DNAH14: variants seen among roughly 807,000 people sequenced by gnomAD.
DNAH14 encodes dynein axonemal heavy chain 14.
Under a neutral mutation model 520.9 loss-of-function variants are expected in DNAH14, and 478 were observed. That is an observed-to-expected ratio of 0.92 (90% CI 0.85 to 0.99). The LOEUF (loss-of-function observed/expected upper bound fraction) is 0.99. Among genes scored for constraint, DNAH14 ranks in the 50% least tolerant of loss-of-function variants. The pLI, the probability that DNAH14 is intolerant of heterozygous loss-of-function variation, is 0.00. For missense variants in DNAH14, 4,831 were observed against 5,234.5 expected (o/e 0.92, Z 2.38); for synonymous variants, 1,581 against 1,757.2 (o/e 0.90, Z 2.51).
At chr1:224,998,527 G>A (rs1454812138) in intron 8 of DNAH14, among the ~76,000 whole-genome samples, 1 of 151,914 alleles carries the variant, frequency 6.6e-6, no homozygotes. Context: ...GACCCATTTT[G>A]CAGTGTTTTG....
intron 77 of DNAH14, 36 bp from the exon 78 acceptor site, chr1:225,374,652 A>G (rs964400876): frequency 2.0e-5 from 29 of 1,485,728 alleles, no homozygotes; most frequent in Non-Finnish European, 2.4e-5. Context: ...CTGGAAACAC[A>G]TACTGAAATA....
intron 36 of DNAH14, among the ~76,000 whole-genome samples, chr1:225,172,607 TAA>T (rs1255719475): frequency 6.6e-6 from 1 of 152,088 alleles, no homozygotes; most frequent in Non-Finnish European, 1.5e-5. Flanking sequence ...CTCAATGAAA[TAA>T]AAGAGGATAC....
intron 37 of DNAH14, among the ~76,000 whole-genome samples, chr1:225,189,929 T>G (rs2085208356): frequency 6.6e-6 from 1 of 151,952 alleles, no homozygotes; most frequent in African/African-American, 2.4e-5. Context: ...TTCATTTCCT[T>G]TTCATTTTTT....
At chr1:225,066,249 A>G (rs1412719279) in intron 17 of DNAH14, among the ~76,000 whole-genome samples, 1 of 152,012 alleles carries the variant, frequency 6.6e-6, no homozygotes, top group Non-Finnish European at 1.5e-5. Flanking sequence ...TATCAGATGT[A>G]TAGCTTGCAA....
chr1:225,209,767 G>C (rs919474777), intron 41 of DNAH14, among the ~76,000 whole-genome samples: 1 of 152,148 alleles, frequency 6.6e-6, no homozygotes, highest in Admixed American at 6.5e-5. Context: ...AACGCAGAAG[G>C]TGGGTGATTT....
At chr1:224,971,509 G>A (rs2061500386) in intron 7 of DNAH14, among the ~76,000 whole-genome samples, 1 of 152,134 alleles carries the variant, frequency 6.6e-6, no homozygotes, top group East Asian at 1.9e-4. Flanking sequence ...ATAGAACTTA[G>A]ATTCTAATGG....
At chr1:225,143,575 C>CA (rs1218416754) in intron 28 of DNAH14, among the ~76,000 whole-genome samples, 1 of 151,986 alleles carries the variant, frequency 6.6e-6, no homozygotes, top group African/African-American at 2.4e-5. Flanking sequence ...CAAACAAAGG[C>CA]AAAAACTAGT....
intron 54 of DNAH14, among the ~76,000 whole-genome samples, chr1:225,284,551 A>G (rs1347951342): frequency 6.6e-6 from 1 of 152,168 alleles, no homozygotes; most frequent in East Asian, 1.9e-4. Flanking sequence ...AGAGATTTCT[A>G]CCAAACATCT....
At chr1:225,303,494 C>T (rs1038744376) in intron 57 of DNAH14, 147 bp downstream of exon 57, 1 of 671,166 alleles carries the variant, frequency 1.5e-6, no homozygotes, top group African/African-American at 1.8e-5. Flanking sequence ...TACAATGACT[C>T]CCTATTAATT....
chr1:225,036,249 C>T (rs1269306156), intron 11 of DNAH14, among the ~76,000 whole-genome samples: 1 of 152,134 alleles, frequency 6.6e-6, no homozygotes, highest in Non-Finnish European at 1.5e-5. Context: ...AATTCTCCTG[C>T]CTCAGCCTCC....
chr1:224,942,097 G>A (rs574841037), intron 1 of DNAH14, among the ~76,000 whole-genome samples: 3 of 151,424 alleles, frequency 2.0e-5, no homozygotes, highest in African/African-American at 7.3e-5. Context: ...ATTACCTTGG[G>A]CAGTATGGCC....
At chr1:225,281,080 C>A (rs2093618199) in intron 54 of DNAH14, among the ~76,000 whole-genome samples, 1 of 152,180 alleles carries the variant, frequency 6.6e-6, no homozygotes. Flanking sequence ...TCATTTTTTA[C>A]TGCCTATGAA....
intron 17 of DNAH14, among the ~76,000 whole-genome samples, chr1:225,065,087 CTTAAT>C (rs1411180267): frequency 2.6e-5 from 4 of 151,822 alleles, no homozygotes; most frequent in Non-Finnish European, 5.9e-5. Flanking sequence ...AAAGCTGTTT[CTTAAT>C]TTTATTTTTT....
intron 35 of DNAH14, among the ~76,000 whole-genome samples, chr1:225,166,356 T>G (rs1573638796): frequency 6.6e-6 from 1 of 152,316 alleles, no homozygotes; most frequent in East Asian, 1.9e-4. Flanking sequence ...ATACCCACAT[T>G]TGTATAATTT....
At chr1:225,066,566 T>C (rs546255879) in intron 17 of DNAH14, among the ~76,000 whole-genome samples, 1 of 152,154 alleles carries the variant, frequency 6.6e-6, no homozygotes, top group South Asian at 2.1e-4. Flanking sequence ...AGTTCTTTAG[T>C]GGTGATTTCT....
chr1:225,078,920 G>T (rs2148559124), intron 17 of DNAH14, among the ~76,000 whole-genome samples: 1 of 129,390 alleles, frequency 7.7e-6, no homozygotes, highest in African/African-American at 3.0e-5. Flanking sequence ...GCCTTGGTAA[G>T]ATGTGCTTGC....
intron 55 of DNAH14, among the ~76,000 whole-genome samples, chr1:225,292,458 G>C (rs748764403): frequency 7.9e-5 from 12 of 152,024 alleles, no homozygotes; most frequent in Non-Finnish European, 1.5e-4. Flanking sequence ...ATTGGTCTAT[G>C]TGTCTGTTTT....
intron 55 of DNAH14, among the ~76,000 whole-genome samples, chr1:225,290,415 T>C (rs1238549265): frequency 6.6e-6 from 1 of 151,690 alleles, no homozygotes; most frequent in Non-Finnish European, 1.5e-5. Flanking sequence ...AGCTTTATAA[T>C]CTGTATTTTA....
chr1:225,068,338 T>C (rs1291357965), intron 17 of DNAH14, among the ~76,000 whole-genome samples: 1 of 152,190 alleles, frequency 6.6e-6, no homozygotes, highest in Admixed American at 6.5e-5. Context: ...CCTTGCTGTT[T>C]TGGTTAGTGT....
Sources: allele counts gnomAD v4.1 joint callset (sites outside exome capture counted in the v4.1 genomes callset), GRCh38; gene constraint gnomAD v4.1.1; transcripts MANE v1.5; gene names NCBI Gene and HGNC (gene_info 2026-07-23, HGNC 2026-07-21).